Variants in CRYL1 observed in about 807,000 individuals in gnomAD.
CRYL1 encodes the protein lambda-crystallin homolog.
A neutral mutation model predicts 36.6 loss-of-function variants in CRYL1; 29 were observed. The observed-to-expected ratio is 0.79, with a 90% confidence interval of 0.59 to 1.08. The LOEUF (loss-of-function observed/expected upper bound fraction) is 1.08. Among genes scored for constraint, CRYL1 ranks in the 50% least tolerant of loss-of-function variants. The probability of loss-of-function intolerance (pLI) is 0.00; values close to 1 mark genes in which losing one functional copy is unlikely to be tolerated. For missense variants in CRYL1, 411 were observed against 407.9 expected, an observed-to-expected ratio of 1.01 and a Z score of -0.06; for synonymous variants, 152 against 151.5, an observed-to-expected ratio of 1.00 and a Z score of -0.02.
intron 3 of CRYL1, among the ~76,000 whole-genome samples, chr13:20,441,235 G>A (rs924571735): frequency 6.6e-6 from 1 of 152,128 alleles, no homozygotes; most frequent in South Asian, 2.1e-4. Flanking sequence ...AATCAACGGC[G>A]TGTCTTGTTA....
rs1234291426 is a variant in CRYL1 at position 20,435,864 on chromosome 13, C to T, written c.439-3568G>A. On this transcript the variant is annotated intron_variant, in intron 4 of 7. Transcript: ENST00000298248. This position sits in a 1 kb window ranked among gnomAD's most constrained non-coding sequence, Gnocchi z 4.0. ...GCCCACAGGGCCGACAGCGCCCTCG[C>T]GGGAGGCAGCCGGGCTGGGGCCTCT... 1.3e-5 allele frequency among the ~76,000 whole-genome samples: 2 copies of T among 152,146 alleles called. No individual in the cohort carries two copies. Among genetic ancestry groups the T allele is most frequent in the Non-Finnish European group, 2.9e-5 (2 of 68,018 alleles).
At position 20,525,602 on chromosome 13, in the gene CRYL1, C is replaced by A; in HGVS notation, c.41+152G>T. ...CGCCTCTCCCCGAGCCCGCCAGCGC[C>A]GTAGGGGCCGCAGGGCGCAGGGCTT... On this transcript the variant is annotated intron_variant, in intron 1 of 7. Coordinates refer to ENST00000298248, the MANE Select transcript of CRYL1 (RefSeq NM_015974.3). This position sits in a 1 kb window ranked among gnomAD's most constrained non-coding sequence, Gnocchi z 4.3. 3.3e-6 allele frequency: 2 copies of A among 598,500 alleles called. No homozygotes were observed. Among genetic ancestry groups the A allele is most frequent in the South Asian group, 1.5e-4 (2 of 13,518 alleles). 37.1% of individuals were successfully genotyped at this position (598,500 alleles called of 1,614,324 possible). A position where few individuals can be genotyped will look rare whatever the true frequency, so the allele number is the denominator to read the frequency against.
intron 2 of CRYL1, among the ~76,000 whole-genome samples, chr13:20,491,416 T>C (rs9509246): frequency 0.54 from 82,184 of 151,996 alleles, 22,648 homozygotes; most frequent in South Asian, 0.6. Flanking sequence ...TGTTAAGTAC[T>C]AAATATCCTG....
chr13:20,465,800 A>T (rs2872572), intron 3 of CRYL1, among the ~76,000 whole-genome samples: 146,380 of 152,302 alleles, frequency 0.96, 70,598 homozygotes, highest in East Asian at 1. Flanking sequence ...AAATCTCATG[A>T]TAAAATGTGA....
At chr13:20,459,448 C>T (rs1017820327) in intron 3 of CRYL1, among the ~76,000 whole-genome samples, 4 of 152,086 alleles carry the variant, frequency 2.6e-5, no homozygotes, top group Non-Finnish European at 5.9e-5. Context: ...TGGAACCAAC[C>T]TAGACGCCCA....
intron 5 of CRYL1, among the ~76,000 whole-genome samples, chr13:20,416,966 G>A (rs573319913): frequency 6.6e-6 from 1 of 152,130 alleles, no homozygotes; most frequent in Admixed American, 6.5e-5. Context: ...AAGTTAGAAA[G>A]GGAAAAACGT....
chr13:20,427,121 C>T (rs1167557709), intron 5 of CRYL1: 2 of 985,382 alleles, frequency 2.0e-6, no homozygotes, highest in Non-Finnish European at 2.4e-6. Flanking sequence ...TGTCACAACA[C>T]AATGTCCTTC....
At chr13:20,423,662 T>C (rs1184032677) in intron 5 of CRYL1, among the ~76,000 whole-genome samples, 1 of 151,864 alleles carries the variant, frequency 6.6e-6, no homozygotes, top group Non-Finnish European at 1.5e-5. Context: ...TTGAATCCAG[T>C]TTGCTAGTGT....
intron 3 of CRYL1, among the ~76,000 whole-genome samples, chr13:20,479,202 G>T (rs2033227018): frequency 6.6e-6 from 1 of 152,176 alleles, no homozygotes; most frequent in African/African-American, 2.4e-5. Flanking sequence ...CACATTGGTT[G>T]TTGCAAACTG....
chr13:20,478,009 AG>A (rs2033201589), intron 3 of CRYL1, among the ~76,000 whole-genome samples: 1 of 148,936 alleles, frequency 6.7e-6, no homozygotes, highest in African/African-American at 2.4e-5. Context: ...ATATATGGGC[AG>A]GCTCCATGGT....
chr13:20,498,913 C>T (rs1406525138), intron 2 of CRYL1, among the ~76,000 whole-genome samples: 1 of 152,168 alleles, frequency 6.6e-6, no homozygotes, highest in Non-Finnish European at 1.5e-5. Context: ...GTCTTAAAAC[C>T]TTTGATATTT....
chr13:20,521,638 C>T (rs963102070), intron 1 of CRYL1, among the ~76,000 whole-genome samples: 2 of 152,140 alleles, frequency 1.3e-5, no homozygotes, highest in African/African-American at 4.8e-5. Flanking sequence ...CTTCTGAATT[C>T]ATGAATCTTA....
chr13:20,492,010 A>G (rs1021588090), intron 2 of CRYL1, among the ~76,000 whole-genome samples: 1 of 152,154 alleles, frequency 6.6e-6, no homozygotes, highest in African/African-American at 2.4e-5. Context: ...ATGGAGGGAA[A>G]TATAACAAAA....
chr13:20,404,599 T>G (rs2031315329), intron 7 of CRYL1, 36 bp downstream of exon 7: 3 of 1,402,116 alleles, frequency 2.1e-6, no homozygotes, highest in Admixed American at 1.7e-5. Context: ...GTAGCCAACA[T>G]GCTTCTCTGC....
At chr13:20,451,410 T>C (rs1294813306) in intron 3 of CRYL1, among the ~76,000 whole-genome samples, 1 of 152,094 alleles carries the variant, frequency 6.6e-6, no homozygotes, top group Non-Finnish European at 1.5e-5. Context: ...AGTTCTAATA[T>C]TCAGAATCTA....
chr13:20,411,725 T>A (rs2031529627), intron 6 of CRYL1, among the ~76,000 whole-genome samples: 1 of 152,358 alleles, frequency 6.6e-6, no homozygotes, highest in South Asian at 2.1e-4. Context: ...CATCTTTCTC[T>A]ACATTATCTT....
intron 2 of CRYL1, among the ~76,000 whole-genome samples, chr13:20,497,091 G>A (rs1391792681): frequency 1.3e-5 from 2 of 152,096 alleles, no homozygotes; most frequent in South Asian, 2.1e-4. Context: ...AGGACACAGT[G>A]TGAATGAGGA....
In CRYL1 at chr13:20,461,523, T is replaced by C. The variant is rs114391351; in HGVS notation, c.277-21769A>G. Reference sequence around the variant, plus strand: ...ATTAAAAAGACCTGGCAGCTCTGGATACCAATCTTTCTTTAGGCAGGAGGC... The same window carrying C: ...ATTAAAAAGACCTGGCAGCTCTGGACACCAATCTTTCTTTAGGCAGGAGGC... On this transcript the variant is annotated intron_variant, in intron 3 of 7. Transcript: ENST00000298248. Among the ~76,000 whole-genome samples, 684 of 152,332 alleles carry C rather than the reference T, an allele frequency of 4.5e-3. 8 individuals are homozygous for C. The highest frequency in any genetic ancestry group is 0.016 in the African/African-American group (652 of 41,576).
At chr13:20,454,114 G>A (rs1432952674) in intron 3 of CRYL1, among the ~76,000 whole-genome samples, 1 of 151,986 alleles carries the variant, frequency 6.6e-6, no homozygotes, top group Non-Finnish European at 1.5e-5. Flanking sequence ...AGAAAATAAA[G>A]AAGAAACATT....
Sources: gnomAD v4.1 joint callset for allele counts (sites outside exome capture counted in the v4.1 genomes callset) on GRCh38, gnomAD v4.1.1 for gene constraint, Gnocchi (gnomAD v3.1) non-coding constraint, MANE v1.5 for transcripts, NCBI Gene and HGNC (gene_info 2026-07-23, HGNC 2026-07-21) for gene names.